The following CSMD1 variants were observed in gnomAD, a reference collection of about 807,000 sequenced individuals.
The protein encoded by CSMD1 is CUB and Sushi multiple domains 1.
In CSMD1, 213 loss-of-function variants were observed where a neutral mutation model predicts 417.5. The ratio of observed to expected loss-of-function variants is 0.51; its 90% CI spans 0.46 to 0.57. The LOEUF (loss-of-function observed/expected upper bound fraction) is 0.57. CSMD1 is among the 20% of genes least tolerant of loss of function. The probability of loss-of-function intolerance (pLI) is 0.00; values close to 1 mark genes in which losing one functional copy is unlikely to be tolerated. For synonymous variants in CSMD1, 2,862 were observed against 1,736.8 expected, an observed-to-expected ratio of 1.65 and a Z score of -16.11; for missense variants, 6,923 against 4,529.7, an observed-to-expected ratio of 1.53 and a Z score of -15.17.
intron 7 of CSMD1, among the ~76,000 whole-genome samples, chr8:3,689,154 C>T (rs186297714): frequency 4.3e-4 from 65 of 152,248 alleles, no homozygotes; most frequent in Admixed American, 1.2e-3. Flanking sequence ...TGAGACAACG[C>T]GCTCTAAGGT....
intron 3 of CSMD1, among the ~76,000 whole-genome samples, chr8:4,102,876 C>T (rs1321096387): frequency 6.6e-6 from 1 of 152,172 alleles, no homozygotes; most frequent in South Asian, 2.1e-4. Flanking sequence ...GCGCCCTTAC[C>T]TCTGCAGTCT....
intron 5 of CSMD1, among the ~76,000 whole-genome samples, chr8:3,995,487 A>C (rs1019619587): frequency 1.3e-5 from 2 of 152,208 alleles, no homozygotes; most frequent in Non-Finnish European, 2.9e-5. Context: ...TGAAACAGAG[A>C]AACTCTACTT....
intron 5 of CSMD1, among the ~76,000 whole-genome samples, chr8:3,863,932 TGACCTCCA>T (rs1563156264): frequency 6.6e-6 from 1 of 152,174 alleles, no homozygotes; most frequent in Non-Finnish European, 1.5e-5. Context: ...TATGGAAAAA[TGACCTCCA>T]GAGGTTTAGA....
intron 63 of CSMD1, among the ~76,000 whole-genome samples, chr8:2,956,819 G>C (rs894522890): frequency 6.6e-6 from 1 of 151,926 alleles, no homozygotes; most frequent in Non-Finnish European, 1.5e-5. Flanking sequence ...TCACTAATTA[G>C]TAACCACAAC....
Position 4,925,696 on chromosome 8 carries a change from G to A in CSMD1, c.85+68636C>T, listed in dbSNP as rs375720413. Among the ~76,000 whole-genome samples the A allele has an allele frequency of 8.0e-3, 1,211 of 151,982 alleles. 11 individuals are homozygous for A. The highest frequency in any genetic ancestry group is 0.027 in the African/African-American group (1,128 of 41,450). ...CAAGTAGCTGGGACTACAGGCGCCC[G>A]CCACCACGCAGGGCTAATTTTTTTG... On this transcript the variant is annotated intron_variant, in intron 1 of 69. Coordinates refer to ENST00000635120, the MANE Select transcript of CSMD1 (RefSeq NM_033225.6).
chr8:3,668,265 C>T (rs990985697), intron 7 of CSMD1, among the ~76,000 whole-genome samples: 2 of 152,118 alleles, frequency 1.3e-5, no homozygotes, highest in African/African-American at 4.8e-5. Flanking sequence ...ATGAGTTCAG[C>T]CTGCGAAGAT....
At chr8:4,851,702 G>A (rs754499504) in intron 1 of CSMD1, among the ~76,000 whole-genome samples, 15 of 152,040 alleles carry the variant, frequency 9.9e-5, no homozygotes, top group Non-Finnish European at 1.8e-4. Flanking sequence ...TGTGGCATCG[G>A]CAATCACCCA....
Position 4,918,410 on chromosome 8 carries a change from C to A in CSMD1, c.85+75922G>T, listed in dbSNP as rs1003711387. 2.6e-5 allele frequency among the ~76,000 whole-genome samples: 4 copies of A among 152,182 alleles called. No individual in the cohort carries two copies. The South Asian group carries it at 8.3e-4, about 31-fold the overall frequency. ...ATTCAGACCTTTCTGCCGATTCTTG[C>A]ACAATATCCTCCTCTTGTCCTTCTG... On this transcript the variant is annotated intron_variant, in intron 1 of 69. Transcript: ENST00000635120.
At chr8:4,442,698 G>C (rs187633842) in intron 2 of CSMD1, among the ~76,000 whole-genome samples, 1 of 152,172 alleles carries the variant, frequency 6.6e-6, no homozygotes, top group Non-Finnish European at 1.5e-5. Flanking sequence ...CGAAAAGGTA[G>C]TTCCCCGAAA....
At chr8:4,255,076 T>G (rs1204139483) in intron 3 of CSMD1, among the ~76,000 whole-genome samples, 1 of 152,192 alleles carries the variant, frequency 6.6e-6, no homozygotes, top group Non-Finnish European at 1.5e-5. Context: ...TTTATTATTT[T>G]GCTCAAATGG....
chr8:4,457,752 C>G (rs1799574809), intron 2 of CSMD1, among the ~76,000 whole-genome samples: 2 of 152,150 alleles, frequency 1.3e-5, no homozygotes, highest in Non-Finnish European at 2.9e-5. Flanking sequence ...GATCCAGCAG[C>G]ATAGGACACC....
chr8:3,837,626 A>G (rs10216665), intron 5 of CSMD1, among the ~76,000 whole-genome samples: 130,515 of 152,170 alleles, frequency 0.86, 56,107 homozygotes, highest in African/African-American at 0.9. Flanking sequence ...GCGTTTGTGG[A>G]ATTTTCTGCG....
intron 3 of CSMD1, among the ~76,000 whole-genome samples, chr8:4,108,261 T>C (rs540644699): frequency 6.6e-6 from 1 of 152,306 alleles, no homozygotes; most frequent in African/African-American, 2.4e-5. Context: ...GGTTGAGTTG[T>C]TTCAAATGCT....
At chr8:4,929,565 A>C (rs553585530) in intron 1 of CSMD1, among the ~76,000 whole-genome samples, 1 of 152,306 alleles carries the variant, frequency 6.6e-6, no homozygotes, top group East Asian at 1.9e-4. Context: ...AGAAAGGAAA[A>C]AAGCTAGTCT....
rs182292513 is a variant in CSMD1, at chr8:4,772,586, G to C, written c.86-135028C>G. Among the ~76,000 whole-genome samples, 112 of 152,226 alleles carry C rather than the reference G, an allele frequency of 7.4e-4. 1 individual carries two copies. The East Asian group carries it at 0.02, about 27-fold the overall frequency. ...TTAAAGTGTATTGAAAAATATCAAA[G>C]TGTTTTGAATTAAAATTTTTTCTTA... On this transcript the variant is annotated intron_variant, in intron 1 of 69. Coordinates refer to ENST00000635120, the MANE Select transcript of CSMD1 (RefSeq NM_033225.6).
At chr8:4,653,873 C>G (rs533212827) in intron 1 of CSMD1, among the ~76,000 whole-genome samples, 1 of 151,960 alleles carries the variant, frequency 6.6e-6, no homozygotes, top group South Asian at 2.1e-4. Flanking sequence ...TTTTTCATAA[C>G]GTTATTCATG....
intron 12 of CSMD1, among the ~76,000 whole-genome samples, chr8:3,418,256 G>A (rs1226726819): frequency 6.6e-6 from 1 of 152,036 alleles, no homozygotes; most frequent in East Asian, 1.9e-4. Flanking sequence ...TGGAAATTCG[G>A]GCTATAAGTA....
At chr8:3,774,491 T>A (rs914301851) in intron 5 of CSMD1, among the ~76,000 whole-genome samples, 2 of 152,152 alleles carry the variant, frequency 1.3e-5, no homozygotes. Flanking sequence ...GAGAGACGGT[T>A]AAATAAATAA....
intron 5 of CSMD1, among the ~76,000 whole-genome samples, chr8:3,931,057 T>A (rs1810103311): frequency 6.6e-6 from 1 of 150,542 alleles, no homozygotes; most frequent in Admixed American, 6.6e-5. Context: ...GTATGATCGC[T>A]GAGATAAAGT....
Sources: allele counts gnomAD v4.1 joint callset (sites outside exome capture counted in the v4.1 genomes callset), GRCh38; gene constraint gnomAD v4.1.1; transcripts MANE v1.5; gene names NCBI Gene and HGNC (gene_info 2026-07-23, HGNC 2026-07-21).